LRP6: variants seen among roughly 807,000 people sequenced by gnomAD.
LRP6 encodes the protein LDL receptor related protein 6, also known as low-density lipoprotein receptor-related protein 6.
A neutral mutation model predicts 184.1 loss-of-function variants in LRP6; 43 were observed. The ratio of observed to expected loss-of-function variants is 0.23; its 90% CI spans 0.18 to 0.30. LRP6 has a LOEUF of 0.30. LRP6 is among the 10% of genes least tolerant of loss of function. LRP6 has a pLI of 1.00. For missense variants in LRP6, 1,571 were observed against 2,005.3 expected (o/e 0.78, Z 4.14); for synonymous variants, 719 against 684.9 (o/e 1.05, Z -0.78).
intron 3 of LRP6, among the ~76,000 whole-genome samples, chr12:12,191,668 A>G (rs1225604638): frequency 6.6e-6 from 1 of 152,176 alleles, no homozygotes; most frequent in Non-Finnish European, 1.5e-5. Context: ...CAAAACAGTC[A>G]AAGTATTTAA....
chr12:12,125,361 G>A lies in LRP6; in HGVS notation c.4384C>T (p.Arg1462Ter). The change falls in exon 21 of 23, where the codon CGA becomes TGA. Residue 1462 changes from arginine (R) to a stop codon, truncating the protein, a stop_gained. Transcript: ENST00000261349. LOFTEE classifies it high-confidence loss of function. ...MGGSSGPPYD[R>*]AHVTGASSSS... ...GATGATGCTCCTGTAACATGGGCTC[G>A]GTCATAGGGGGGTCCACTGCTTCCC... The A allele has an allele frequency of 2.5e-6, 4 of 1,613,908 alleles. No homozygotes were observed. Among genetic ancestry groups the A allele is most frequent in the Non-Finnish European group, 3.4e-6 (4 of 1,179,896 alleles).
chr12:12,216,882 C>T (rs1188138858), intron 2 of LRP6, among the ~76,000 whole-genome samples: 1 of 150,884 alleles, frequency 6.6e-6, no homozygotes, highest in Admixed American at 6.6e-5. Flanking sequence ...ATGTAATTTC[C>T]TTACTTTCAG....
chr12:12,195,111 C>A (rs879642918), intron 3 of LRP6, among the ~76,000 whole-genome samples: 1 of 152,098 alleles, frequency 6.6e-6, no homozygotes, highest in Non-Finnish European at 1.5e-5. Context: ...TGATGTTGGA[C>A]ACCTAGGTTG....
At chr12:12,145,513 C>CCCCTCCCT (rs565480325) in intron 15 of LRP6, among the ~76,000 whole-genome samples, 1 of 143,756 alleles carries the variant, frequency 7.0e-6, no homozygotes, top group Non-Finnish European at 1.5e-5. Context: ...TCTCCTCTCT[C>CCCCTCCCT]CCCTCCCTCC....
chr12:12,184,318 A>T (rs1048242108), intron 4 of LRP6, among the ~76,000 whole-genome samples: 1 of 152,232 alleles, frequency 6.6e-6, no homozygotes, highest in Non-Finnish European at 1.5e-5. Context: ...CAAGAAGTAA[A>T]GCAGGAGATC....
Position 12,119,538 on chromosome 12 carries a change from G to GT in LRP6, c.*1587dup, listed in dbSNP as rs1212215453. The GT allele has an allele frequency of 6.6e-6, 1 of 152,148 alleles. No individual in the cohort carries two copies. Among genetic ancestry groups the GT allele is most frequent in the Non-Finnish European group, 1.5e-5 (1 of 68,016 alleles). The allele number at this position is 152,148 out of a possible 1,614,324, so 9.4% of individuals were successfully genotyped here. ...CAGGTCAGCCCTGATAGCTCAAGAT[G>GT]TAGCAGCCCCAGTACCATACATGAC... On this transcript the variant is annotated 3_prime_UTR_variant, in exon 23 of 23. Transcript: ENST00000261349.
chr12:12,156,762 A>T (rs965373727), intron 12 of LRP6, among the ~76,000 whole-genome samples: 9 of 152,132 alleles, frequency 5.9e-5, no homozygotes, highest in African/African-American at 2.2e-4. Flanking sequence ...TCGTGCCTCT[A>T]TTCTCTCCCG....
intron 6 of LRP6, among the ~76,000 whole-genome samples, chr12:12,180,293 C>T (rs1863312804): frequency 8.7e-6 from 1 of 115,054 alleles, no homozygotes; most frequent in Non-Finnish European, 1.8e-5. Flanking sequence ...CATGAACTTT[C>T]TCTCTCTTTT....
chr12:12,214,764 T>C (rs1420847188), intron 2 of LRP6, among the ~76,000 whole-genome samples: 2 of 152,202 alleles, frequency 1.3e-5, no homozygotes, highest in Non-Finnish European at 2.9e-5. Flanking sequence ...GTTCCCTAGA[T>C]AGGTTTTGGA....
intron 3 of LRP6, 59 bp from the exon 4 acceptor site, chr12:12,187,178 C>T (rs531918383): frequency 1.1e-4 from 155 of 1,364,654 alleles, no homozygotes; most frequent in African/African-American, 4.8e-4. Flanking sequence ...TCTATCATAA[C>T]GTCACCTCTC....
chr12:12,227,267 C>A (rs1864651345), intron 2 of LRP6, among the ~76,000 whole-genome samples: 1 of 151,978 alleles, frequency 6.6e-6, no homozygotes, highest in Non-Finnish European at 1.5e-5. Context: ...GGATTTGTTA[C>A]CAGTAGACCT....
intron 17 of LRP6, among the ~76,000 whole-genome samples, chr12:12,132,368 T>C (rs1591868892): frequency 6.6e-6 from 1 of 152,202 alleles, no homozygotes; most frequent in African/African-American, 2.4e-5. Context: ...ATAATCAGTA[T>C]AATTACCAAA....
rs1423379071 is a variant in LRP6 at position 12,180,803 on chromosome 12, C to A, written c.1373+240G>T. ...CCGAGCAAAATCTGCAGACAACACC[C>A]AAAGTCAGCAAACATGGACTTAATT... On this transcript the variant is annotated intron_variant, in intron 6 of 22. Coordinates refer to ENST00000261349, the MANE Select transcript of LRP6 (RefSeq NM_002336.3). Among the ~76,000 whole-genome samples the A allele has an allele frequency of 7.9e-5, 12 of 152,154 alleles. 1 individual carries two copies. The South Asian group carries it at 2.5e-3, about 32-fold the overall frequency.
chr12:12,221,705 A>G (rs1233599088), intron 2 of LRP6, among the ~76,000 whole-genome samples: 4 of 152,226 alleles, frequency 2.6e-5, no homozygotes, highest in African/African-American at 9.6e-5. Flanking sequence ...AATGTTCTCA[A>G]GCACCTGTTT....
rs562827024 is a variant in LRP6 at position 12,199,340 on chromosome 12, C to T, written c.647+3863G>A. Among the ~76,000 whole-genome samples, 3 of 151,914 alleles carry T rather than the reference C, an allele frequency of 2.0e-5. No individual in the cohort carries two copies. The South Asian group carries it at 6.3e-4, about 32-fold the overall frequency. On this transcript the variant is annotated intron_variant, in intron 3 of 22. Coordinates refer to ENST00000261349, the MANE Select transcript of LRP6 (RefSeq NM_002336.3). The stretch of plus-strand genomic sequence containing the variant: ...CTCTATAGCATGTGTCTCTGTTGTC[C>T]ATTGTTGAATACACTGGCAGGAACT...
At chr12:12,175,781 T>C (rs561762152) in intron 7 of LRP6, among the ~76,000 whole-genome samples, 18 of 151,184 alleles carry the variant, frequency 1.2e-4, no homozygotes, top group African/African-American at 3.9e-4. Flanking sequence ...AAATTTAGCA[T>C]TGACAATACT....
At chr12:12,138,898 G>A (rs1949888688) in intron 15 of LRP6, 1 of 1,371,250 alleles carries the variant, frequency 7.3e-7, no homozygotes, top group African/African-American at 1.5e-5. Context: ...GTATACCTGA[G>A]GCATTTATGA....
intron 15 of LRP6, 156 bp from the exon 16 acceptor site, chr12:12,138,690 C>T (rs904291217): frequency 1.6e-5 from 21 of 1,327,102 alleles, no homozygotes; most frequent in Non-Finnish European, 2.1e-5. Flanking sequence ...GTAAGACATA[C>T]ACTAGAAAAC....
At chr12:12,151,102 T>C (rs1565566482) in intron 12 of LRP6, 64 bp from the exon 13 acceptor site, 3 of 1,312,432 alleles carry the variant, frequency 2.3e-6, no homozygotes, top group Non-Finnish European at 3.2e-6. Flanking sequence ...CATCCAATGA[T>C]TTGATCAGCC....
Sources: allele counts gnomAD v4.1 joint callset (sites outside exome capture counted in the v4.1 genomes callset), GRCh38; gene constraint gnomAD v4.1.1; transcripts MANE v1.5; gene names NCBI Gene and HGNC (gene_info 2026-07-23, HGNC 2026-07-21).